MRM3: variants seen among roughly 807,000 people sequenced by gnomAD.
The protein encoded by MRM3 is mitochondrial rRNA methyltransferase 3, also known as rRNA methyltransferase 3, mitochondrial.
Under a neutral mutation model 29.4 loss-of-function variants are expected in MRM3, and 26 were observed. The observed-to-expected ratio is 0.89, with a 90% CI of 0.65 to 1.23. The LOEUF (loss-of-function observed/expected upper bound fraction) is 1.23, where lower values mean the gene tolerates loss of function less well. MRM3 is among the 50% of genes most tolerant of loss of function. The pLI is 0.00. For synonymous variants in MRM3, 225 were observed against 219.0 expected (o/e 1.03, Z -0.24); for missense variants, 578 against 540.2 (o/e 1.07, Z -0.69).
rs1437667809 is a variant in MRM3, at chr17:788,061, A to G, written c.656A>G (p.Asp219Gly). Residue 219 changes from aspartate to glycine, a missense_variant, in exon 3 of 4, where the codon GAC (aspartate) becomes GGC (glycine). Transcript: ENST00000304478. ...PLLLICDNLR[D>G]PGNLGTILRS... ...TTATTGATTTGTGACAATCTCCGTG[A>G]CCCTGGGAACCTGGGGACAATTCTG... 1 of 1,614,126 alleles carries G rather than the reference A, an allele frequency of 6.2e-7. No homozygotes were observed. Among genetic ancestry groups the G allele is most frequent in the South Asian group, 1.1e-5 (1 of 91,074 alleles).
intron 2 of MRM3, among the ~76,000 whole-genome samples, chr17:785,781 T>C (rs1311316780): frequency 2.0e-5 from 3 of 152,366 alleles, no homozygotes; most frequent in Middle Eastern, 3.4e-3. Flanking sequence ...TAGTTTGAAT[T>C]TTAAAATGAG....
At chr17:783,550 T>C (rs1472105457) in intron 2 of MRM3, 2 of 387,478 alleles carry the variant, frequency 5.2e-6, no homozygotes, top group Non-Finnish European at 9.5e-6. Context: ...TTGGCCAGGC[T>C]GACGTCGAAC....
chr17:782,650 G>C lies in MRM3; in HGVS notation c.272G>C (p.Gly91Ala). Residue 91 changes from glycine to alanine, a missense_variant, in exon 1 of 4, where the codon GGG (glycine) becomes GCG (alanine). Gly to Ala is a moderately conservative substitution (Grantham distance 60). Transcript: ENST00000304478. ...GCTCCCAGCACCTGGGAAGAGTCTGGGCTTCGCTACGATAAAGCTTATCCC... is the reference window on the plus strand; with the variant it reads ...GCTCCCAGCACCTGGGAAGAGTCTGCGCTTCGCTACGATAAAGCTTATCCC... ...SRAPSTWEESGLRYDKAYPGD... is the reference protein window; with the variant it reads ...SRAPSTWEESALRYDKAYPGD... The C allele has an allele frequency of 6.2e-7, 1 of 1,613,086 alleles. No homozygotes were observed. Among genetic ancestry groups the C allele is most frequent in the East Asian group, 2.2e-5 (1 of 44,854 alleles).
intron 2 of MRM3, among the ~76,000 whole-genome samples, chr17:785,097 G>A (rs1910474126): frequency 6.6e-6 from 1 of 152,024 alleles, no homozygotes; most frequent in Non-Finnish European, 1.5e-5. Flanking sequence ...AGTCCCTTGG[G>A]AGCAGACTAC....
intron 2 of MRM3, among the ~76,000 whole-genome samples, chr17:784,300 T>G (rs1432817045): frequency 1.3e-5 from 2 of 152,254 alleles, no homozygotes; most frequent in Non-Finnish European, 2.9e-5. Flanking sequence ...TCTGTGCCTC[T>G]GCACTCAGAG....
Position 782,446 on chromosome 17 carries a change from A to ACCTTGACGCGAGGCGCTGGGT in MRM3, c.71_91dup (p.Leu24_Val30dup). 6.2e-7 allele frequency: 1 copy of ACCTTGACGCGAGGCGCTGGGT among 1,613,812 alleles called. No homozygotes were observed. The highest frequency in any genetic ancestry group is 8.5e-7 in the Non-Finnish European group (1 of 1,179,928). On this transcript the variant is annotated inframe_insertion, in exon 1 of 4. Coordinates refer to ENST00000304478, the MANE Select transcript of MRM3 (RefSeq NM_018146.4). The stretch of plus-strand genomic sequence containing the variant: ...TTGCTGCAGGTGGTCCAGGCTTGGG[A>ACCTTGACGCGAGGCGCTGGGT]CCTTGACGCGAGGCGCTGGGTCCGG...
Position 791,989 on chromosome 17 carries a change from G to T in MRM3, c.1183G>T (p.Ala395Ser). ...GGACAGCCTCAACTCGGCCATGGCG[G>T]CAAGCATCCTGCTTTTCGAAGGGAA... ...GVDSLNSAMA[A>S]SILLFEGKRQ... is the part of the protein sequence containing the mutation. The change falls in exon 4 of 4, where the codon GCA (alanine) becomes TCA (serine). Residue 395 changes from alanine (A) to serine (S), a missense_variant. Physicochemically the swap from Ala to Ser is moderately conservative, Grantham distance 99. Transcript: ENST00000304478. The T allele has an allele frequency of 6.2e-7, 1 of 1,613,988 alleles. No homozygotes were observed.
At chr17:784,182 G>T (rs905433309) in intron 2 of MRM3, among the ~76,000 whole-genome samples, 2 of 152,150 alleles carry the variant, frequency 1.3e-5, no homozygotes, top group East Asian at 3.8e-4. Context: ...TTTTTCATAC[G>T]TTTTTGACAT....
At chr17:789,360 C>A (rs550903780) in intron 3 of MRM3, among the ~76,000 whole-genome samples, 1 of 152,276 alleles carries the variant, frequency 6.6e-6, no homozygotes, top group South Asian at 2.1e-4. Flanking sequence ...GATCCGTTTC[C>A]CTTAGATTCC....
chr17:791,962 G>A lies in MRM3; in HGVS notation c.1156G>A (p.Val386Met), dbSNP rs1910850598. The A allele has an allele frequency of 1.2e-6, 2 of 1,613,960 alleles. No homozygotes were observed. The highest frequency in any genetic ancestry group is 1.7e-6 in the Non-Finnish European group (2 of 1,180,052). The part of the protein sequence containing the change: ...KRLLIPVVPG[V>M]DSLNSAMAAS... ...GCTGCTGATCCCCGTTGTGCCTGGT[G>A]TGGACAGCCTCAACTCGGCCATGGC... The change falls in exon 4 of 4, where the codon GTG (valine) becomes ATG (methionine). Residue 386 changes from valine (V) to methionine (M), a missense_variant. Coordinates refer to ENST00000304478, the MANE Select transcript of MRM3 (RefSeq NM_018146.4).
chr17:786,061 C>A (rs1222241873), intron 2 of MRM3, among the ~76,000 whole-genome samples: 1 of 152,186 alleles, frequency 6.6e-6, no homozygotes. Context: ...AAATGATAGA[C>A]CCGCTTTTAA....
chr17:783,117 CG>C lies in MRM3; in HGVS notation c.352del (p.Glu118LysfsTer32), dbSNP rs1567798151. On this transcript the variant is annotated frameshift_variant, in exon 2 of 4. Coordinates refer to ENST00000304478, the MANE Select transcript of MRM3 (RefSeq NM_018146.4). LOFTEE classifies it high-confidence loss of function. The stretch of plus-strand genomic sequence containing the variant: ...GACAATAGTAAAGTCCAGGCCATTT[CG>C]GGAAAAACAAGGGAAGATCCTGCTG... ...VMTIVKSRPFREKQGKILLEG... is the reference protein window; with the variant it reads ...VMTIVKSRPFXEKQGKILLEG... 11 of 1,613,396 alleles carry C rather than the reference CG, an allele frequency of 6.8e-6. No homozygotes were observed. The highest frequency in any genetic ancestry group is 9.3e-6 in the Non-Finnish European group (11 of 1,179,800).
chr17:791,731 T>G lies in MRM3; in HGVS notation c.925T>G (p.Cys309Gly). 6.2e-7 allele frequency: 1 copy of G among 1,614,170 alleles called. No individual in the cohort carries two copies. Among genetic ancestry groups the G allele is most frequent in the Non-Finnish European group, 8.5e-7 (1 of 1,180,042 alleles). ...TAAAGCTAGTGACCATGGCTGGGTG[T>G]GTGATCAACGAGTGATGAAGTTTCA... ...SNKASDHGWV[C>G]DQRVMKFHKY... Residue 309 changes from cysteine (C) to glycine (G), a missense_variant, in exon 4 of 4, where the codon TGT (cysteine) becomes GGT (glycine). Transcript: ENST00000304478.
At chr17:789,126 T>G (rs1910679656) in intron 3 of MRM3, among the ~76,000 whole-genome samples, 1 of 152,194 alleles carries the variant, frequency 6.6e-6, no homozygotes, top group Non-Finnish European at 1.5e-5. Flanking sequence ...TACCCAGCCA[T>G]GTTTATTATC....
intron 2 of MRM3, chr17:783,574 T>G: frequency 2.9e-6 from 1 of 344,804 alleles, no homozygotes; most frequent in Non-Finnish European, 5.5e-6. Flanking sequence ...TGACCTCAGG[T>G]GATCCTCCTG....
chr17:788,092 T>G lies in MRM3; in HGVS notation c.687T>G (p.Ser229=). 1 of 1,614,206 alleles carries G rather than the reference T, an allele frequency of 6.2e-7. No individual in the cohort carries two copies. Residue 229 remains serine (S), a synonymous_variant, in exon 3 of 4, where the codon TCT becomes TCG. Coordinates refer to ENST00000304478, the MANE Select transcript of MRM3 (RefSeq NM_018146.4). ...GGAACCTGGGGACAATTCTGAGATC[T>G]GCAGCTGGGGCAGGCTGCAGCAAAG... ...DPGNLGTILR[S]AAGAGCSKVL...
At position 787,545 on chromosome 17, in the gene MRM3, T is replaced by G. The variant is rs182531511; in HGVS notation, c.560-420T>G. Among the ~76,000 whole-genome samples the G allele has an allele frequency of 5.3e-5, 8 of 152,196 alleles. No individual in the cohort carries two copies. The highest frequency in any genetic ancestry group is 1.9e-4 in the African/African-American group (8 of 41,538). On this transcript the variant is annotated intron_variant, in intron 2 of 3. Transcript: ENST00000304478. This position sits in a 1 kb window ranked among gnomAD's most constrained non-coding sequence, Gnocchi z 4.1. ...CCAATCAGAATGTATTCGTGGTTTT[T>G]TTTTTCCTTTTTTTTCTTTTTGAGA...
intron 2 of MRM3, among the ~76,000 whole-genome samples, chr17:786,773 T>A (rs1322232250): frequency 6.6e-6 from 1 of 152,212 alleles, no homozygotes; most frequent in Non-Finnish European, 1.5e-5. Flanking sequence ...ACGTTAATAG[T>A]GCACGCACAT....
At chr17:783,980 T>C (rs1004336652) in intron 2 of MRM3, among the ~76,000 whole-genome samples, 3 of 152,212 alleles carry the variant, frequency 2.0e-5, no homozygotes, top group African/African-American at 7.2e-5. Context: ...TAACTGTCAA[T>C]AAACTGCTTA....
Sources: allele counts gnomAD v4.1 joint callset (sites outside exome capture counted in the v4.1 genomes callset), GRCh38; gene constraint gnomAD v4.1.1; non-coding constraint Gnocchi (gnomAD v3.1); transcripts MANE v1.5; gene names NCBI Gene and HGNC (gene_info 2026-07-23, HGNC 2026-07-21).